SNRK: variants seen among roughly 807,000 people sequenced by gnomAD.
SNRK encodes the protein SNF-related serine/threonine-protein kinase.
Under a neutral mutation model 48.2 loss-of-function variants are expected in SNRK, and 3 were observed. That is an observed-to-expected ratio of 0.06 (90% CI 0.03 to 0.16). SNRK has a LOEUF of 0.16. Ranked by LOEUF, SNRK falls within the 10% of genes least tolerant of loss-of-function variation. The pLI is 1.00. For synonymous variants in SNRK, 376 were observed against 366.1 expected (o/e 1.03, Z -0.31); for missense variants, 627 against 976.0 (o/e 0.64, Z 4.76).
intron 5 of SNRK, among the ~76,000 whole-genome samples, chr3:43,342,211 A>T (rs1193022731): frequency 6.6e-6 from 1 of 152,024 alleles, no homozygotes; most frequent in Non-Finnish European, 1.5e-5. Context: ...GGTTCAGGTG[A>T]CTCCAGTTTG....
intron 1 of SNRK, among the ~76,000 whole-genome samples, chr3:43,289,174 G>A (rs548394711): frequency 5.3e-5 from 8 of 152,276 alleles, no homozygotes; most frequent in Non-Finnish European, 7.3e-5. Flanking sequence ...CAAGGATGGC[G>A]GCAGTGAACA....
Position 43,296,941 on chromosome 3 carries a change from T to C in SNRK, c.-168-2813T>C, listed in dbSNP as rs1335615709. ...TCAGTAGGAGAACATCAGTATATTC[T>C]TGCAGCACATAACAGTACTTGTTTC... On this transcript the variant is annotated intron_variant, in intron 1 of 6. Transcript: ENST00000296088. 2.0e-5 allele frequency among the ~76,000 whole-genome samples: 3 copies of C among 152,240 alleles called. No homozygotes were observed. The East Asian group carries it at 5.8e-4, about 29-fold the overall frequency.
At chr3:43,337,583 G>A (rs2091201406) in intron 4 of SNRK, among the ~76,000 whole-genome samples, 1 of 151,730 alleles carries the variant, frequency 6.6e-6, no homozygotes, top group African/African-American at 2.4e-5. Flanking sequence ...TAATTTTTTT[G>A]TAGAGATGGT....
chr3:43,338,145 A>G (rs542974109), intron 4 of SNRK, among the ~76,000 whole-genome samples: 2 of 152,350 alleles, frequency 1.3e-5, no homozygotes, highest in South Asian at 2.1e-4. Flanking sequence ...AGTAGATATG[A>G]TTATCATTCT....
chr3:43,338,095 A>G (rs1412549752), intron 4 of SNRK, among the ~76,000 whole-genome samples: 1 of 152,224 alleles, frequency 6.6e-6, no homozygotes. Flanking sequence ...GAATATTTTA[A>G]CTACCATCCA....
chr3:43,325,793 G>A (rs943622107), intron 3 of SNRK, among the ~76,000 whole-genome samples: 3 of 152,164 alleles, frequency 2.0e-5, no homozygotes, highest in African/African-American at 7.2e-5. Flanking sequence ...TATCCCTGGT[G>A]AAGCAGTTCT....
chr3:43,315,325 T>A (rs1575543283), intron 3 of SNRK: 1 of 152,306 alleles, frequency 6.6e-6, no homozygotes, highest in South Asian at 2.1e-4. Context: ...CCAGAGATGC[T>A]ATTAATGTAT....
intron 3 of SNRK, chr3:43,314,808 G>A (rs2091002770): frequency 6.6e-6 from 1 of 152,120 alleles, no homozygotes; most frequent in Admixed American, 6.6e-5. Context: ...TACTCAAAAG[G>A]CTGAGGTGGG....
At chr3:43,340,561 C>G (rs2091227410) in intron 5 of SNRK, 62 bp downstream of exon 5, 3 of 1,408,896 alleles carry the variant, frequency 2.1e-6, no homozygotes, top group Non-Finnish European at 3.0e-6. Flanking sequence ...TGGGCTCTCT[C>G]TACTTAACAC....
At chr3:43,326,192 A>G (rs933570907) in intron 3 of SNRK, among the ~76,000 whole-genome samples, 14 of 152,100 alleles carry the variant, frequency 9.2e-5, no homozygotes, top group African/African-American at 3.4e-4. Context: ...GGTGACTGAA[A>G]TAAACTGCAG....
At position 43,303,124 on chromosome 3, in the gene SNRK, T is replaced by G. The variant is rs1204565102; in HGVS notation, c.-80T>G. On this transcript the variant is annotated 5_prime_UTR_variant, in exon 3 of 7. Coordinates refer to ENST00000296088, the MANE Select transcript of SNRK (RefSeq NM_017719.5). This position sits in a 1 kb window ranked among gnomAD's most constrained non-coding sequence, Gnocchi z 6.2. Reference sequence around the variant, plus strand: ...TATCCATGACGACATTGAAAATGAATTTTTTGTATTCACCAGATATTCTTA... The same window carrying G: ...TATCCATGACGACATTGAAAATGAAGTTTTTGTATTCACCAGATATTCTTA... The G allele has an allele frequency of 9.8e-7, 1 of 1,025,038 alleles. No homozygotes were observed. Among genetic ancestry groups the G allele is most frequent in the Admixed American group, 2.8e-5 (1 of 36,040 alleles). The allele number at this position is 1,025,038 out of a possible 1,614,324, so 63.5% of individuals were successfully genotyped here.
intron 6 of SNRK, among the ~76,000 whole-genome samples, chr3:43,346,559 A>C (rs773444091): frequency 6.6e-6 from 1 of 152,068 alleles, no homozygotes; most frequent in Non-Finnish European, 1.5e-5. Context: ...GTTATTCACT[A>C]CTCTTGTATG....
At chr3:43,334,452 C>A (rs143733535) in intron 4 of SNRK, among the ~76,000 whole-genome samples, 3,789 of 151,352 alleles carry the variant, frequency 0.025, 160 homozygotes, top group African/African-American at 0.085. Flanking sequence ...CAGAGTAAGA[C>A]CCTGTCTCAA....
intron 4 of SNRK, among the ~76,000 whole-genome samples, chr3:43,339,116 G>A (rs1454150476): frequency 6.6e-6 from 1 of 152,194 alleles, no homozygotes; most frequent in Non-Finnish European, 1.5e-5. Context: ...AAGGGTGGGT[G>A]TATTTACTTC....
In SNRK at chr3:43,303,866, A is replaced by C; in HGVS notation, c.589+74A>C. 9.2e-7 allele frequency: 1 copy of C among 1,092,532 alleles called. No individual in the cohort carries two copies. Among genetic ancestry groups the C allele is most frequent in the Admixed American group, 2.3e-5 (1 of 42,962 alleles). 67.7% of individuals were successfully genotyped at this position (1,092,532 alleles called of 1,614,324 possible). A position where few individuals can be genotyped will look rare whatever the true frequency, so the allele number is the denominator to read the frequency against. ...AGTTGGTCAGATCGGTTGTTTATCT[A>C]AAAATGATTTCTAGAGAATTTCTGT... On this transcript the variant is annotated intron_variant, in intron 3 of 6. Transcript: ENST00000296088. This position sits in a 1 kb window ranked among gnomAD's most constrained non-coding sequence, Gnocchi z 6.2.
intron 3 of SNRK, among the ~76,000 whole-genome samples, chr3:43,306,913 A>G (rs1178871256): frequency 2.0e-5 from 3 of 152,142 alleles, no homozygotes; most frequent in Non-Finnish European, 4.4e-5. Context: ...TTTATGCCCA[A>G]TTGATTTCTG....
At chr3:43,318,432 A>T (rs2091028728) in intron 3 of SNRK, among the ~76,000 whole-genome samples, 1 of 152,148 alleles carries the variant, frequency 6.6e-6, no homozygotes, top group Admixed American at 6.5e-5. Context: ...TTTTCAAACC[A>T]CTCAAAACAG....
intron 3 of SNRK, among the ~76,000 whole-genome samples, chr3:43,309,757 C>T (rs1254168283): frequency 2.0e-5 from 3 of 152,060 alleles, no homozygotes; most frequent in East Asian, 1.9e-4. Flanking sequence ...ATTGGGACTA[C>T]AGGCGTGCAC....
intron 4 of SNRK, among the ~76,000 whole-genome samples, chr3:43,339,474 C>T (rs2091215850): frequency 6.6e-6 from 1 of 152,084 alleles, no homozygotes; most frequent in South Asian, 2.1e-4. Context: ...CTGAGTGTTA[C>T]TTATTTATTC....
Sources: allele counts gnomAD v4.1 joint callset (sites outside exome capture counted in the v4.1 genomes callset), GRCh38; gene constraint gnomAD v4.1.1; non-coding constraint Gnocchi (gnomAD v3.1); transcripts MANE v1.5; gene names NCBI Gene and HGNC (gene_info 2026-07-23, HGNC 2026-07-21).